The following TENM3 variants were observed in gnomAD, a reference collection of about 807,000 sequenced individuals.
The protein encoded by TENM3 is teneurin-3.
TENM3 carries 63 observed loss-of-function variants against 255.1 expected under a neutral mutation model. The observed-to-expected ratio is 0.25, with a 90% CI of 0.20 to 0.30. TENM3 has a LOEUF of 0.30. TENM3 is among the 10% of genes least tolerant of loss of function. The pLI, the probability that TENM3 is intolerant of heterozygous loss-of-function variation, is 1.00. For synonymous variants in TENM3, 1,306 were observed against 1,322.3 expected, an observed-to-expected ratio of 0.99 and a Z score of 0.27; for missense variants, 2,929 against 3,461.1, an observed-to-expected ratio of 0.85 and a Z score of 3.86.
At chr4:181,810,748 G>A in the TENM3 span, among the ~76,000 whole-genome samples, 1 of 151,970 alleles carries the variant, frequency 6.6e-6, no homozygotes, top group Non-Finnish European at 1.5e-5. Context: ...CTTGAAGAAG[G>A]GACGTTACTT....
the TENM3 span, among the ~76,000 whole-genome samples, chr4:181,668,928 G>T: frequency 6.6e-6 from 1 of 152,008 alleles, no homozygotes; most frequent in Non-Finnish European, 1.5e-5. Context: ...TTTTCATTTT[G>T]TTCCTTCTCC....
chr4:182,062,212 A>C, the TENM3 span, among the ~76,000 whole-genome samples: 1 of 152,294 alleles, frequency 6.6e-6, no homozygotes, highest in South Asian at 2.1e-4. Flanking sequence ...GTACCCAAGA[A>C]TATGTTTAGT....
At chr4:182,181,137 C>T (rs1369108062) in intron 1 of TENM3, among the ~76,000 whole-genome samples, 2 of 152,052 alleles carry the variant, frequency 1.3e-5, no homozygotes, top group Non-Finnish European at 2.9e-5. Context: ...ACTAATAAAA[C>T]AGTAAGAATG....
At chr4:182,098,156 T>A in the TENM3 span, among the ~76,000 whole-genome samples, 1 of 152,108 alleles carries the variant, frequency 6.6e-6, no homozygotes, top group Non-Finnish European at 1.5e-5. Context: ...CCAGTTAAAA[T>A]GGCTTTTATC....
chr4:181,752,041 T>C, the TENM3 span, among the ~76,000 whole-genome samples: 345 of 152,298 alleles, frequency 2.3e-3, 2 homozygotes, highest in Non-Finnish European at 4.1e-3. Flanking sequence ...CTTTAGCAGA[T>C]TTGCTGCTTT....
At chr4:181,706,463 TTTCA>T in the TENM3 span, among the ~76,000 whole-genome samples, 3 of 152,106 alleles carry the variant, frequency 2.0e-5, no homozygotes, top group Non-Finnish European at 4.4e-5. Context: ...CAGTCCCAAT[TTTCA>T]TAATATTAGT....
chr4:182,566,085 TG>T (rs1442741335), intron 3 of TENM3, among the ~76,000 whole-genome samples: 1 of 152,190 alleles, frequency 6.6e-6, no homozygotes, highest in African/African-American at 2.4e-5. Context: ...ATCAGGCCTC[TG>T]GGAAGAACCT....
At chr4:182,075,033 G>C in the TENM3 span, among the ~76,000 whole-genome samples, 10 of 152,128 alleles carry the variant, frequency 6.6e-5, no homozygotes, top group African/African-American at 1.9e-4. Context: ...CAGATGGCCA[G>C]AGTGGCGCCT....
At chr4:182,098,698 G>T in the TENM3 span, among the ~76,000 whole-genome samples, 2 of 152,142 alleles carry the variant, frequency 1.3e-5, no homozygotes, top group Admixed American at 1.3e-4. Flanking sequence ...GAGATAAGAA[G>T]GGGGTGGTTA....
chr4:181,520,914 A>G, the TENM3 span, among the ~76,000 whole-genome samples: 1 of 152,232 alleles, frequency 6.6e-6, no homozygotes, highest in Non-Finnish European at 1.5e-5. Flanking sequence ...ATCATTAATT[A>G]TCTGTTCCAC....
intron 3 of TENM3, among the ~76,000 whole-genome samples, chr4:182,399,002 A>G (rs1485014132): frequency 6.6e-6 from 1 of 152,196 alleles, no homozygotes; most frequent in African/African-American, 2.4e-5. Flanking sequence ...TACACTATGC[A>G]CAGTCCCGAA....
At chr4:182,181,467 C>A (rs1296822540) in intron 1 of TENM3, among the ~76,000 whole-genome samples, 1 of 152,148 alleles carries the variant, frequency 6.6e-6, no homozygotes, top group Non-Finnish European at 1.5e-5. Context: ...GTGAGGAGAT[C>A]AAAACCAAAC....
At chr4:181,833,368 G>C in the TENM3 span, among the ~76,000 whole-genome samples, 1 of 152,088 alleles carries the variant, frequency 6.6e-6, no homozygotes, top group Admixed American at 6.5e-5. Context: ...TACTGTCCAC[G>C]GGGCTATCAC....
the TENM3 span, among the ~76,000 whole-genome samples, chr4:181,814,254 G>A: frequency 6.6e-6 from 1 of 152,110 alleles, no homozygotes; most frequent in African/African-American, 2.4e-5. Context: ...GGTATGACTA[G>A]TGGACTTTAA....
intron 5 of TENM3, among the ~76,000 whole-genome samples, chr4:182,638,345 A>G (rs1209495495): frequency 7.2e-5 from 11 of 152,196 alleles, no homozygotes; most frequent in Non-Finnish European, 1.6e-4. Context: ...AAAAACATAC[A>G]GATGTGTGTG....
intron 3 of TENM3, among the ~76,000 whole-genome samples, chr4:182,597,066 G>A (rs1747313722): frequency 6.6e-6 from 1 of 152,004 alleles, no homozygotes; most frequent in Non-Finnish European, 1.5e-5. Context: ...TTTGAACCTT[G>A]GTCACAAAGA....
chr4:181,901,480 T>A, the TENM3 span, among the ~76,000 whole-genome samples: 1 of 152,308 alleles, frequency 6.6e-6, no homozygotes, highest in Admixed American at 6.5e-5. Context: ...CCAAAACAGT[T>A]GTTTAGATGA....
At chr4:182,398,836 T>A (rs1769032326) in intron 3 of TENM3, among the ~76,000 whole-genome samples, 1 of 152,204 alleles carries the variant, frequency 6.6e-6, no homozygotes, top group African/African-American at 2.4e-5. Context: ...TGGCAGCACC[T>A]TGGGTTCTAC....
chr4:181,899,350 G>A, the TENM3 span, among the ~76,000 whole-genome samples: 1 of 151,834 alleles, frequency 6.6e-6, no homozygotes, highest in African/African-American at 2.4e-5. Context: ...ATTTAATTTT[G>A]TTTTTATTTG....
Sources: gnomAD v4.1 joint callset for allele counts (sites outside exome capture counted in the v4.1 genomes callset) on GRCh38, gnomAD v4.1.1 for gene constraint, MANE v1.5 for transcripts, NCBI Gene and HGNC (gene_info 2026-07-23, HGNC 2026-07-21) for gene names.